TNNI3K: variants seen among roughly 807,000 people sequenced by gnomAD.
The protein encoded by TNNI3K is serine/threonine-protein kinase TNNI3K.
TNNI3K carries 140 observed loss-of-function variants against 114.5 expected under a neutral mutation model. The observed-to-expected ratio is 1.22, with a 90% CI of 1.07 to 1.41. The LOEUF (loss-of-function observed/expected upper bound fraction) is 1.41, where lower values mean the gene tolerates loss of function less well. TNNI3K is among the 40% of genes most tolerant of loss of function. The pLI, the probability that TNNI3K is intolerant of heterozygous loss-of-function variation, is 0.00. For missense variants in TNNI3K, 1,125 were observed against 1,007.6 expected, an observed-to-expected ratio of 1.12 and a Z score of -1.58; for synonymous variants, 347 against 347.5, an observed-to-expected ratio of 1.00 and a Z score of 0.02.
intron 4 of TNNI3K, among the ~76,000 whole-genome samples, chr1:74,266,521 T>G (rs1188085037): frequency 1.3e-5 from 2 of 151,974 alleles, no homozygotes; most frequent in African/African-American, 4.8e-5. Context: ...ATCTGTGGGT[T>G]GAGTATAGAT....
intron 23 of TNNI3K, among the ~76,000 whole-genome samples, chr1:74,497,149 A>C (rs964760154): frequency 2.0e-5 from 3 of 152,178 alleles, no homozygotes; most frequent in African/African-American, 7.2e-5. Flanking sequence ...TAATTTACTC[A>C]AAGTTTTTCT....
At chr1:74,249,309 G>T (rs1654781696) in intron 2 of TNNI3K, 150 bp from the exon 3 acceptor site, 2 of 704,334 alleles carry the variant, frequency 2.8e-6, no homozygotes, top group Non-Finnish European at 4.5e-6. Flanking sequence ...TCATATAGAG[G>T]GTTCAAGATT....
chr1:74,369,780 C>T, intron 16 of TNNI3K, 195 bp downstream of exon 16: 1 of 601,350 alleles, frequency 1.7e-6, no homozygotes, highest in Non-Finnish European at 2.4e-6. Flanking sequence ...TTTATGCTTT[C>T]TTAGCAGAAA....
intron 17 of TNNI3K, among the ~76,000 whole-genome samples, chr1:74,401,215 A>G (rs1220165402): frequency 6.6e-6 from 1 of 152,224 alleles, no homozygotes. Flanking sequence ...GTGTGCATGC[A>G]TATGACACAT....
At chr1:74,297,414 AG>A (rs1658053698) in intron 5 of TNNI3K, among the ~76,000 whole-genome samples, 1 of 152,052 alleles carries the variant, frequency 6.6e-6, no homozygotes, top group African/African-American at 2.4e-5. Context: ...AATTAAGAAG[AG>A]GTAAGAGAGA....
chr1:74,480,462 C>T (rs1002165497), intron 21 of TNNI3K: 3 of 717,540 alleles, frequency 4.2e-6, no homozygotes, highest in Admixed American at 4.0e-5. Flanking sequence ...GGAGTAAACA[C>T]ATCCGGCATG....
At chr1:74,259,060 C>G (rs1655508477) in intron 4 of TNNI3K, among the ~76,000 whole-genome samples, 2 of 152,186 alleles carry the variant, frequency 1.3e-5, no homozygotes. Flanking sequence ...CATTTCCTTT[C>G]CAGCCCTATT....
intron 2 of TNNI3K, among the ~76,000 whole-genome samples, chr1:74,247,741 G>C (rs1432382281): frequency 6.6e-6 from 1 of 152,116 alleles, no homozygotes; most frequent in Non-Finnish European, 1.5e-5. Flanking sequence ...CAAACCCCAA[G>C]ACAGACACAG....
chr1:74,342,179 G>T (rs560607675), intron 7 of TNNI3K, among the ~76,000 whole-genome samples: 4 of 152,102 alleles, frequency 2.6e-5, no homozygotes, highest in African/African-American at 9.7e-5. Context: ...TTACCCAGAC[G>T]TGAGAAGAGG....
At chr1:74,393,309 C>T (rs1663892312) in intron 17 of TNNI3K, among the ~76,000 whole-genome samples, 1 of 151,548 alleles carries the variant, frequency 6.6e-6, no homozygotes, top group South Asian at 2.1e-4. Flanking sequence ...GATTTGAAAA[C>T]TTAAGAAACA....
intron 23 of TNNI3K, among the ~76,000 whole-genome samples, chr1:74,525,857 C>T (rs1376726999): frequency 6.6e-6 from 1 of 152,136 alleles, no homozygotes; most frequent in East Asian, 1.9e-4. Flanking sequence ...CACATCACAC[C>T]AGAGTGGGGT....
At position 74,421,326 on chromosome 1, in the gene TNNI3K, G is replaced by A. The variant is rs79474353; in HGVS notation, c.1773-14754G>A. On this transcript the variant is annotated intron_variant, in intron 17 of 24. Coordinates refer to ENST00000326637, the MANE Select transcript of TNNI3K (RefSeq NM_015978.3). ...TAAAGGTGTTTACAGCCAAGTGGGC[G>A]TTCAGAAGTACACATAAGTGATGAA... is the stretch of plus-strand genomic sequence containing the variant. Among the ~76,000 whole-genome samples the A allele has an allele frequency of 0.029, 4,351 of 152,172 alleles. 393 individuals carry two copies. The East Asian group carries it at 0.33, about 12-fold the overall frequency.
At chr1:74,259,270 A>G (rs571957872) in intron 4 of TNNI3K, among the ~76,000 whole-genome samples, 45 of 152,334 alleles carry the variant, frequency 3.0e-4, no homozygotes, top group Non-Finnish European at 5.1e-4. Context: ...GTCCATGTCC[A>G]AAGACTTGAG....
chr1:74,480,343 G>A, intron 21 of TNNI3K: 2 of 717,798 alleles, frequency 2.8e-6, no homozygotes, highest in South Asian at 1.5e-5. Context: ...TCCTGAGCGT[G>A]TGAGCAGAAG....
intron 9 of TNNI3K, among the ~76,000 whole-genome samples, chr1:74,350,933 G>T (rs552262531): frequency 2.6e-5 from 4 of 152,018 alleles, no homozygotes; most frequent in African/African-American, 7.2e-5. Context: ...TTGCCAGTCT[G>T]TGCCTTTTAA....
At chr1:74,384,815 A>T (rs370231630) in intron 17 of TNNI3K, among the ~76,000 whole-genome samples, 1 of 152,042 alleles carries the variant, frequency 6.6e-6, no homozygotes, top group South Asian at 2.1e-4. Context: ...ATTTTCTTTC[A>T]TGTTGATGTT....
chr1:74,441,659 T>C (rs987438345), intron 20 of TNNI3K, among the ~76,000 whole-genome samples: 1 of 152,160 alleles, frequency 6.6e-6, no homozygotes, highest in African/African-American at 2.4e-5. Context: ...GAGTTGTTTA[T>C]TTTTAAATAT....
intron 2 of TNNI3K, among the ~76,000 whole-genome samples, chr1:74,242,486 A>C (rs1056757149): frequency 6.6e-6 from 1 of 152,218 alleles, no homozygotes; most frequent in East Asian, 1.9e-4. Flanking sequence ...TTTGGCTATT[A>C]TAAGATGAAT....
intron 11 of TNNI3K, 32 bp from the exon 12 acceptor site, chr1:74,367,224 G>A (rs763822084): frequency 6.2e-7 from 1 of 1,603,246 alleles, no homozygotes; most frequent in South Asian, 1.1e-5. Flanking sequence ...ACAAAATTTA[G>A]GACTCTTTGT....
Sources: allele counts gnomAD v4.1 joint callset (sites outside exome capture counted in the v4.1 genomes callset), GRCh38; gene constraint gnomAD v4.1.1; transcripts MANE v1.5; gene names NCBI Gene and HGNC (gene_info 2026-07-23, HGNC 2026-07-21).